The following RSPO3 variants were observed in gnomAD, a reference collection of about 807,000 sequenced individuals.
The protein encoded by RSPO3 is R-spondin 3, also known as R-spondin-3.
In RSPO3, 17 loss-of-function variants were observed where a neutral mutation model predicts 36.5. The ratio of observed to expected loss-of-function variants is 0.47; its 90% CI spans 0.32 to 0.70. The LOEUF (loss-of-function observed/expected upper bound fraction) is 0.70. Ranked by LOEUF, RSPO3 falls within the 30% of genes least tolerant of loss-of-function variation. The pLI, the probability that RSPO3 is intolerant of heterozygous loss-of-function variation, is 0.04. For synonymous variants in RSPO3, 108 were observed against 107.0 expected, an observed-to-expected ratio of 1.01 and a Z score of -0.06; for missense variants, 294 against 322.5, an observed-to-expected ratio of 0.91 and a Z score of 0.68.
chr6:127,193,143 G>T (rs1045348319), intron 4 of RSPO3, among the ~76,000 whole-genome samples: 5 of 152,166 alleles, frequency 3.3e-5, no homozygotes, highest in African/African-American at 1.2e-4. Flanking sequence ...TTAGTTTCCT[G>T]TTACTTTACT....
rs1775539757 is a variant in RSPO3, at chr6:127,197,583, A to G, written c.*1576A>G. The G allele has an allele frequency of 6.5e-7, 1 of 1,529,588 alleles. No individual in the cohort carries two copies. The highest frequency in any genetic ancestry group is 2.0e-5 in the Admixed American group (1 of 49,062). The allele number at this position is 1,529,588 out of a possible 1,614,324, so 94.8% of individuals were successfully genotyped here. ...GGAAGGATGCACGGCTGCTCTGTCC[A>G]CTGTGATTCCTAGCCCTCTCAAGAT... is the stretch of plus-strand genomic sequence containing the variant. On this transcript the variant is annotated 3_prime_UTR_variant, in exon 5 of 5. Coordinates refer to ENST00000356698, the MANE Select transcript of RSPO3 (RefSeq NM_032784.5).
chr6:127,161,062 C>A (rs9491701), intron 4 of RSPO3, among the ~76,000 whole-genome samples: 70,283 of 151,482 alleles, frequency 0.46, 16,525 homozygotes, highest in East Asian at 0.53. Flanking sequence ...ATTCAGTGGA[C>A]AAGTATCAGA....
Position 127,155,306 on chromosome 6 carries a change from T to C in RSPO3, c.502T>C (p.Phe168Leu). The C allele has an allele frequency of 6.2e-7, 1 of 1,613,940 alleles. No homozygotes were observed. The highest frequency in any genetic ancestry group is 8.5e-7 in the Non-Finnish European group (1 of 1,179,904). The change falls in exon 4 of 5, where the codon TTC becomes CTC. Residue 168 changes from phenylalanine to leucine, a missense_variant. Phe to Leu is a conservative substitution (Grantham distance 22, BLOSUM62 0). Around this residue, in one of 3 missense-constraint regions of RSPO3, gnomAD observed 190 missense variants for 185.2 expected, o/e 1.03. Transcript: ENST00000356698. ...CACGAAGAAGGGAAAAACATGTGGC[T>C]TCAAAAGAGGGACTGAAACACGGGT... ...PCTKKGKTCG[F>L]KRGTETRVRE...
At position 127,155,991 on chromosome 6, in the gene RSPO3, C is replaced by T. The variant is rs1054888065; in HGVS notation, c.634+553C>T. Among the ~76,000 whole-genome samples, 17 of 152,152 alleles carry T rather than the reference C, an allele frequency of 1.1e-4. No homozygotes were observed. The South Asian group carries it at 1.7e-3, about 15-fold the overall frequency. The stretch of plus-strand genomic sequence containing the variant: ...CATCGCAGTTCACTGCAACCTCAAA[C>T]TCCCAGGCTCAAGCAATCATCCCAC... On this transcript the variant is annotated intron_variant, in intron 4 of 4. Transcript: ENST00000356698.
At chr6:127,189,550 T>C (rs1355747618) in intron 4 of RSPO3, among the ~76,000 whole-genome samples, 1 of 152,194 alleles carries the variant, frequency 6.6e-6, no homozygotes, top group East Asian at 1.9e-4. Flanking sequence ...CCAATCATTA[T>C]GTTCTTGTTT....
intron 1 of RSPO3, among the ~76,000 whole-genome samples, chr6:127,125,648 T>C (rs1439570816): frequency 1.3e-5 from 2 of 152,182 alleles, no homozygotes; most frequent in East Asian, 1.9e-4. Context: ...TAAACATTCA[T>C]TGATTATAAG....
intron 4 of RSPO3, among the ~76,000 whole-genome samples, chr6:127,194,888 C>T (rs1427682004): frequency 1.3e-5 from 2 of 152,270 alleles, no homozygotes; most frequent in South Asian, 2.1e-4. Flanking sequence ...GAGACTCAAC[C>T]TGCCCTGGTA....
intron 4 of RSPO3, among the ~76,000 whole-genome samples, chr6:127,195,036 C>T (rs766238190): frequency 6.8e-4 from 103 of 152,118 alleles, no homozygotes; most frequent in Non-Finnish European, 1.3e-3. Flanking sequence ...ATTATTTCTG[C>T]ATTTGTTATG....
At position 127,185,215 on chromosome 6, in the gene RSPO3, GTGGAAA is replaced by G. The variant is rs1035281766; in HGVS notation, c.635-10603_635-10598del. Among the ~76,000 whole-genome samples the G allele has an allele frequency of 2.0e-4, 30 of 152,160 alleles. No homozygotes were observed. The Middle Eastern group carries it at 0.01, about 52-fold the overall frequency. ...ATTACAAGGACCTATCTTGATGATT[GTGGAAA>G]TGGATGTTGAAAGTATTTCTGATTA... is the stretch of plus-strand genomic sequence containing the variant. On this transcript the variant is annotated intron_variant, in intron 4 of 4. Transcript: ENST00000356698.
rs371038008 is a variant in RSPO3 at position 127,198,240 on chromosome 6, C to T, written c.*2233C>T. Among the ~76,000 whole-genome samples, 6 of 152,218 alleles carry T rather than the reference C, an allele frequency of 3.9e-5. No individual in the cohort carries two copies. In the East Asian group the frequency reaches 1.2e-3, roughly 29 times the overall value. ...GAAGGTCTGAATCCTTGATGCTAAA[C>T]TTATATAAAAGTAGAATTATTACAA... On this transcript the variant is annotated 3_prime_UTR_variant, in exon 5 of 5. Coordinates refer to ENST00000356698, the MANE Select transcript of RSPO3 (RefSeq NM_032784.5).
At chr6:127,170,967 A>T (rs749172666) in intron 4 of RSPO3, among the ~76,000 whole-genome samples, 1 of 151,748 alleles carries the variant, frequency 6.6e-6, no homozygotes, top group Admixed American at 6.6e-5. Flanking sequence ...GGTGATGGCT[A>T]TACAACAGTG....
At chr6:127,149,230 A>G (rs1332392207) in intron 2 of RSPO3, among the ~76,000 whole-genome samples, 1 of 152,100 alleles carries the variant, frequency 6.6e-6, no homozygotes, top group African/African-American at 2.4e-5. Flanking sequence ...TGAAACATTT[A>G]TTTATCAATT....
intron 1 of RSPO3, among the ~76,000 whole-genome samples, chr6:127,143,803 G>A (rs1774326550): frequency 6.6e-6 from 1 of 152,132 alleles, no homozygotes; most frequent in Non-Finnish European, 1.5e-5. Context: ...CATTTAAATT[G>A]TCACAGAAAC....
At chr6:127,130,391 T>C (rs1774027316) in intron 1 of RSPO3, among the ~76,000 whole-genome samples, 1 of 152,128 alleles carries the variant, frequency 6.6e-6, no homozygotes, top group Non-Finnish European at 1.5e-5. Context: ...GACTACCAGT[T>C]CTCAGTTTAA....
At position 127,118,836 on chromosome 6, in the gene RSPO3, A is replaced by AGCC. The variant is rs1362746189; in HGVS notation, c.-342_-340dup. On this transcript the variant is annotated 5_prime_UTR_variant, in exon 1 of 5. Coordinates refer to ENST00000356698, the MANE Select transcript of RSPO3 (RefSeq NM_032784.5). ...TCTGAGCCCAAGGGGCCGCCGCTGC[A>AGCC]GCCGCCGCCGCCGCCGCTCGCCCGC... The AGCC allele has an allele frequency of 8.7e-5, 14 of 161,186 alleles. 1 individual carries two copies. The South Asian group carries it at 1.2e-3, about 14-fold the overall frequency. 10.0% of individuals were successfully genotyped at this position (161,186 alleles called of 1,614,324 possible).
intron 2 of RSPO3, 63 bp from the exon 3 acceptor site, chr6:127,150,363 A>G (rs1774467276): frequency 2.0e-6 from 3 of 1,492,388 alleles, no homozygotes; most frequent in Non-Finnish European, 2.7e-6. Flanking sequence ...TGACACATGT[A>G]GAACTGGACC....
chr6:127,139,132 T>G (rs1435449390), intron 1 of RSPO3, among the ~76,000 whole-genome samples: 1 of 152,228 alleles, frequency 6.6e-6, no homozygotes, highest in Non-Finnish European at 1.5e-5. Flanking sequence ...TGCATGTATA[T>G]TCTTCTTCAA....
At chr6:127,193,090 T>C (rs1775445431) in intron 4 of RSPO3, among the ~76,000 whole-genome samples, 1 of 152,216 alleles carries the variant, frequency 6.6e-6, no homozygotes, top group South Asian at 2.1e-4. Flanking sequence ...CATTCTTCTG[T>C]TGTGCAATAG....
At chr6:127,179,707 A>G (rs1775142081) in intron 4 of RSPO3, among the ~76,000 whole-genome samples, 1 of 151,878 alleles carries the variant, frequency 6.6e-6, no homozygotes, top group East Asian at 1.9e-4. Context: ...TACCATGCTA[A>G]AATCAAGGCA....
Sources: gnomAD v4.1 joint callset for allele counts (sites outside exome capture counted in the v4.1 genomes callset) on GRCh38, gnomAD v4.1.1 for gene constraint, gnomAD v4.1.1 regional missense constraint, MANE v1.5 for transcripts, NCBI Gene and HGNC (gene_info 2026-07-23, HGNC 2026-07-21) for gene names.